Variants in AGTPBP1 observed in about 807,000 individuals in gnomAD.
AGTPBP1 encodes the protein cytosolic carboxypeptidase 1.
Under a neutral mutation model 143.9 loss-of-function variants are expected in AGTPBP1, and 70 were observed. The ratio of observed to expected loss-of-function variants is 0.49; its 90% CI spans 0.40 to 0.59. The LOEUF is 0.59. Ranked by LOEUF, AGTPBP1 falls within the 20% of genes least tolerant of loss-of-function variation. The probability of loss-of-function intolerance (pLI) is 0.00; values close to 1 mark genes in which losing one functional copy is unlikely to be tolerated. For synonymous variants in AGTPBP1, 463 were observed against 500.2 expected, an observed-to-expected ratio of 0.93 and a Z score of 0.99; for missense variants, 1,229 against 1,464.5, an observed-to-expected ratio of 0.84 and a Z score of 2.62.
chr9:85,626,486 C>G (rs1310746360), intron 14 of AGTPBP1, among the ~76,000 whole-genome samples: 2 of 152,176 alleles, frequency 1.3e-5, no homozygotes, highest in Non-Finnish European at 2.9e-5. Flanking sequence ...AAATAATTCA[C>G]AAAATGTCAT....
chr9:85,571,367 G>A (rs756984925), intron 25 of AGTPBP1, among the ~76,000 whole-genome samples: 10 of 151,912 alleles, frequency 6.6e-5, no homozygotes, highest in Non-Finnish European at 1.5e-5. Context: ...AGAATGATGA[G>A]GAAATATAAA....
chr9:85,697,801 CAA>C (rs1352656630), intron 2 of AGTPBP1, among the ~76,000 whole-genome samples: 5 of 152,204 alleles, frequency 3.3e-5, no homozygotes, highest in African/African-American at 1.2e-4. Context: ...TCCGCATGAA[CAA>C]AAGTTTTTTG....
upstream of AGTPBP1, among the ~76,000 whole-genome samples, chr9:85,744,153 A>G (rs1300429422): frequency 6.6e-6 from 1 of 151,820 alleles, no homozygotes; most frequent in African/African-American, 2.4e-5. Flanking sequence ...GCTGGTCTCA[A>G]ACTCCTGGGC....
intron 20 of AGTPBP1, 104 bp downstream of exon 20, chr9:85,589,424 C>T (rs539117751): frequency 7.0e-7 from 1 of 1,419,504 alleles, no homozygotes; most frequent in African/African-American, 1.4e-5. Context: ...GAGCCCAAGT[C>T]TTCTGATGTC....
At chr9:85,701,501 A>T (rs1449467896) in intron 2 of AGTPBP1, among the ~76,000 whole-genome samples, 2 of 152,192 alleles carry the variant, frequency 1.3e-5, no homozygotes, top group Non-Finnish European at 2.9e-5. Flanking sequence ...AAGTGCTGGG[A>T]TTACAGGCAT....
chr9:85,617,296 A>G (rs1167706443), intron 17 of AGTPBP1, among the ~76,000 whole-genome samples: 2 of 152,172 alleles, frequency 1.3e-5, no homozygotes, highest in Non-Finnish European at 2.9e-5. Flanking sequence ...TTTCCAACAA[A>G]TGATTGAGAC....
chr9:85,691,280 C>T (rs2134257516), intron 3 of AGTPBP1, among the ~76,000 whole-genome samples: 1 of 151,962 alleles, frequency 6.6e-6, no homozygotes, highest in South Asian at 2.1e-4. Flanking sequence ...AATGCATGGG[C>T]TACATGGGAG....
chr9:85,652,895 G>C (rs1426298224), intron 11 of AGTPBP1, among the ~76,000 whole-genome samples: 1 of 152,134 alleles, frequency 6.6e-6, no homozygotes, highest in Non-Finnish European at 1.5e-5. Flanking sequence ...ATTAACTCCA[G>C]GTCTTCAGTG....
chr9:85,782,777 C>T, the AGTPBP1 span, among the ~76,000 whole-genome samples: 10 of 152,080 alleles, frequency 6.6e-5, no homozygotes, highest in Non-Finnish European at 1.2e-4. Flanking sequence ...TACAAACATA[C>T]GAATCCTGCC....
chr9:85,621,496 C>T (rs1054942009), intron 14 of AGTPBP1, among the ~76,000 whole-genome samples: 1 of 149,584 alleles, frequency 6.7e-6, no homozygotes, highest in Non-Finnish European at 1.5e-5. Flanking sequence ...AAAATATCCA[C>T]GTAGAATACA....
chr9:85,783,956 A>G, the AGTPBP1 span, among the ~76,000 whole-genome samples: 2 of 152,186 alleles, frequency 1.3e-5, no homozygotes, highest in Non-Finnish European at 2.9e-5. Flanking sequence ...GACTGCCTAC[A>G]AGACTTATAT....
At chr9:85,728,987 A>C (rs1838704098) in intron 1 of AGTPBP1, among the ~76,000 whole-genome samples, 1 of 152,208 alleles carries the variant, frequency 6.6e-6, no homozygotes, top group Non-Finnish European at 1.5e-5. Context: ...AATGGCAAAA[A>C]CTGTGATTAC....
At chr9:85,614,498 C>G (rs11521798) in intron 17 of AGTPBP1, among the ~76,000 whole-genome samples, 183 of 151,894 alleles carry the variant, frequency 1.2e-3, no homozygotes, top group African/African-American at 4.0e-3. Flanking sequence ...CAAAACATCA[C>G]GTGCCTTAGT....
chr9:85,633,315 A>G lies in AGTPBP1; in HGVS notation c.1362T>C (p.Gly454=). Residue 454 remains glycine (G), a synonymous_variant, in exon 14 of 26, where the codon GGT becomes GGC. Coordinates refer to ENST00000357081, the MANE Select transcript of AGTPBP1 (RefSeq NM_001330701.2). Reference sequence around the variant, plus strand: ...CGCCTGCCGTAGGAACAACAATAGGACCACGTACTTTTCCCTCAAATACAA... The same window carrying G: ...CGCCTGCCGTAGGAACAACAATAGGGCCACGTACTTTTCCCTCAAATACAA... ...KPFVFEGKVR[G]PIVVPTAGEE... 6.2e-7 allele frequency: 1 copy of G among 1,603,490 alleles called. No homozygotes were observed. Among genetic ancestry groups the G allele is most frequent in the Non-Finnish European group, 8.5e-7 (1 of 1,177,378 alleles).
In AGTPBP1 at chr9:85,741,872, T is replaced by C. The variant is rs1224433257; in HGVS notation, c.-131A>G. Reference sequence around the variant, plus strand: ...ATCCCTCGCCGCCCGCCGCCCGGTGTTTTCATACAAACCCCGGTGGCAGGC... The same window carrying C: ...ATCCCTCGCCGCCCGCCGCCCGGTGCTTTCATACAAACCCCGGTGGCAGGC... On this transcript the variant is annotated 5_prime_UTR_variant, in exon 1 of 26. Coordinates refer to ENST00000357081, the MANE Select transcript of AGTPBP1 (RefSeq NM_001330701.2). 8.3e-5 allele frequency: 116 copies of C among 1,391,760 alleles called. No homozygotes were observed. Among genetic ancestry groups the C allele is most frequent in the Non-Finnish European group, 1.1e-4 (113 of 1,074,400 alleles). The allele number at this position is 1,391,760 out of a possible 1,614,324, so 86.2% of individuals were successfully genotyped here.
intron 8 of AGTPBP1, among the ~76,000 whole-genome samples, chr9:85,663,880 ACAGT>A (rs1253989021): frequency 9.8e-5 from 15 of 152,290 alleles, no homozygotes; most frequent in African/African-American, 3.6e-4. Context: ...TTTATTTGTA[ACAGT>A]CAAAAACTAA....
chr9:85,756,072 A>G, the AGTPBP1 span: 9 of 1,526,612 alleles, frequency 5.9e-6, no homozygotes, highest in Non-Finnish European at 7.9e-6. Context: ...ATTTTAATGT[A>G]GAAATTGGAT....
intron 2 of AGTPBP1, among the ~76,000 whole-genome samples, chr9:85,695,436 T>C (rs749416496): frequency 2.6e-5 from 4 of 152,184 alleles, no homozygotes; most frequent in Non-Finnish European, 5.9e-5. Flanking sequence ...ACAATTTTCA[T>C]AAAAATACTA....
chr9:85,773,827 G>A, the AGTPBP1 span: 6 of 1,515,272 alleles, frequency 4.0e-6, no homozygotes, highest in Admixed American at 1.7e-5. Flanking sequence ...GTCAAAATAT[G>A]TATTTGTTAG....
Sources: gnomAD v4.1 joint callset for allele counts (sites outside exome capture counted in the v4.1 genomes callset) on GRCh38, gnomAD v4.1.1 for gene constraint, MANE v1.5 for transcripts, NCBI Gene and HGNC (gene_info 2026-07-23, HGNC 2026-07-21) for gene names.